The following SLCO1A2 variants were observed in gnomAD, a reference collection of about 807,000 sequenced individuals.
SLCO1A2 encodes the protein OATP-1.
Under a neutral mutation model 69.0 loss-of-function variants are expected in SLCO1A2, and 67 were observed. That is an observed-to-expected ratio of 0.97 (90% CI 0.80 to 1.19). SLCO1A2 has a LOEUF of 1.19. Among genes scored for constraint, SLCO1A2 ranks in the 50% most tolerant of loss-of-function variants. The probability of loss-of-function intolerance (pLI) is 0.00; values close to 1 mark genes in which losing one functional copy is unlikely to be tolerated. For missense variants in SLCO1A2, 787 were observed against 793.7 expected, an observed-to-expected ratio of 0.99 and a Z score of 0.10; for synonymous variants, 260 against 265.9, an observed-to-expected ratio of 0.98 and a Z score of 0.22.
chr12:21,406,530 G>C lies in SLCO1A2; in HGVS notation c.-312+11352C>G, dbSNP rs555110441. Among the ~76,000 whole-genome samples, 31 of 152,212 alleles carry C rather than the reference G, an allele frequency of 2.0e-4. No homozygotes were observed. In the East Asian group the frequency reaches 3.7e-3, roughly 18 times the overall value. On this transcript the variant is annotated intron_variant, in intron 1 of 4. Transcript: ENST00000413682. ...GCGGCAGGATTGTTTTCTATTCTCT[G>C]GTAAAAATTAGAGTTAACAGTTGTT...
chr12:21,353,568 A>G (rs2137020017), intron 2 of SLCO1A2, among the ~76,000 whole-genome samples: 1 of 152,264 alleles, frequency 6.6e-6, no homozygotes, highest in Admixed American at 6.5e-5. Context: ...GCACCTGATT[A>G]TATCCCGTTT....
intron 2 of SLCO1A2, among the ~76,000 whole-genome samples, chr12:21,340,856 A>C (rs901869744): frequency 1.3e-5 from 2 of 151,992 alleles, no homozygotes; most frequent in Non-Finnish European, 2.9e-5. Flanking sequence ...GAGGCAGCTA[A>C]AGGGCTAGCA....
At chr12:21,343,540 G>A (rs940066512) in intron 2 of SLCO1A2, among the ~76,000 whole-genome samples, 46 of 152,024 alleles carry the variant, frequency 3.0e-4, no homozygotes, top group African/African-American at 1.1e-3. Context: ...TTCTTAGTAG[G>A]TAGTTGTCTT....
At chr12:21,289,753 TA>T (rs35667496) in intron 12 of SLCO1A2, among the ~76,000 whole-genome samples, 17,201 of 143,020 alleles carry the variant, frequency 0.12, 1,033 homozygotes, top group Non-Finnish European at 0.14. Context: ...AAGCCCAGGG[TA>T]AAAAAAAAAA....
chr12:21,309,086 A>C (rs1200828908), intron 4 of SLCO1A2, among the ~76,000 whole-genome samples: 2 of 152,206 alleles, frequency 1.3e-5, no homozygotes, highest in Non-Finnish European at 1.5e-5. Context: ...TTGAAAATTA[A>C]AAATGTGGTA....
chr12:21,347,164 C>CT (rs2136999249), intron 2 of SLCO1A2, among the ~76,000 whole-genome samples: 1 of 152,238 alleles, frequency 6.6e-6, no homozygotes, highest in Admixed American at 6.5e-5. Context: ...TAAATTTCTA[C>CT]TTCCTTCCAT....
intron 12 of SLCO1A2, among the ~76,000 whole-genome samples, chr12:21,287,605 C>T (rs1162495437): frequency 7.2e-6 from 1 of 139,800 alleles, no homozygotes; most frequent in Admixed American, 7.0e-5. Flanking sequence ...AGACTTGGAA[C>T]CAACCCAAAT....
intron 3 of SLCO1A2, among the ~76,000 whole-genome samples, chr12:21,316,552 CT>C (rs10679944): frequency 0.011 from 1,591 of 144,962 alleles, 14 homozygotes; most frequent in African/African-American, 0.02. Context: ...ACTGCTGATA[CT>C]TTTTTTTTTT....
At chr12:21,324,906 G>A (rs1304628453) in intron 2 of SLCO1A2, among the ~76,000 whole-genome samples, 1 of 152,186 alleles carries the variant, frequency 6.6e-6, no homozygotes, top group Non-Finnish European at 1.5e-5. Context: ...TCCTCAGGTA[G>A]CAAGATCCTA....
intron 2 of SLCO1A2, among the ~76,000 whole-genome samples, chr12:21,365,975 G>T (rs533693359): frequency 1.3e-5 from 2 of 152,218 alleles, no homozygotes; most frequent in Non-Finnish European, 2.9e-5. Flanking sequence ...TTCAACCATT[G>T]TGGAAGACAG....
upstream of SLCO1A2, among the ~76,000 whole-genome samples, chr12:21,397,763 C>T (rs1941528531): frequency 7.4e-6 from 1 of 134,322 alleles, no homozygotes; most frequent in Non-Finnish European, 1.6e-5. Flanking sequence ...CAACCTGCTC[C>T]TGAATGACTA....
upstream of SLCO1A2, among the ~76,000 whole-genome samples, chr12:21,337,515 A>T (rs1315261377): frequency 1.3e-5 from 2 of 151,148 alleles, no homozygotes; most frequent in Non-Finnish European, 3.0e-5. Context: ...GACTTAGGAG[A>T]TCATCCTTTC....
intron 1 of SLCO1A2, among the ~76,000 whole-genome samples, chr12:21,394,096 T>C (rs1941297842): frequency 6.6e-6 from 1 of 152,208 alleles, no homozygotes; most frequent in African/African-American, 2.4e-5. Context: ...CTAGGGTTTC[T>C]GTAAGTGAAA....
At chr12:21,282,864 C>G (rs768787911) in intron 12 of SLCO1A2, among the ~76,000 whole-genome samples, 41 of 151,208 alleles carry the variant, frequency 2.7e-4, no homozygotes, top group Non-Finnish European at 5.5e-4. Flanking sequence ...TAAGAATTAC[C>G]CTAAAGAAGT....
chr12:21,322,281 CTCAA>C (rs10569114), intron 2 of SLCO1A2, among the ~76,000 whole-genome samples: 18,294 of 152,034 alleles, frequency 0.12, 1,922 homozygotes, highest in East Asian at 0.35. Flanking sequence ...TGAGACAGTT[CTCAA>C]TCAATTTAGA....
intron 2 of SLCO1A2, among the ~76,000 whole-genome samples, chr12:21,365,644 C>T (rs1373964634): frequency 6.6e-6 from 1 of 152,046 alleles, no homozygotes; most frequent in East Asian, 1.9e-4. Context: ...TTACAATCTA[C>T]CCATCTGACA....
chr12:21,370,880 TGGGGCTTAGCCCTC>T (rs1565519981), intron 2 of SLCO1A2, among the ~76,000 whole-genome samples: 1 of 152,176 alleles, frequency 6.6e-6, no homozygotes, highest in Non-Finnish European at 1.5e-5. Context: ...AGACCCAAAC[TGGGGCTTAGCCCTC>T]AAGGGTTCTT....
chr12:21,407,594 A>G (rs898062278), intron 1 of SLCO1A2, among the ~76,000 whole-genome samples: 1 of 152,142 alleles, frequency 6.6e-6, no homozygotes, highest in African/African-American at 2.4e-5. Flanking sequence ...TGAGCTCAGG[A>G]GTTCAAGACT....
intron 2 of SLCO1A2, chr12:21,355,130 A>G (rs1382884014): frequency 6.6e-6 from 1 of 152,186 alleles, no homozygotes; most frequent in Non-Finnish European, 1.5e-5. Context: ...TGATCCATGT[A>G]TATTATTTTA....
Sources: allele counts gnomAD v4.1 joint callset (sites outside exome capture counted in the v4.1 genomes callset), GRCh38; gene constraint gnomAD v4.1.1; transcripts MANE v1.5; gene names NCBI Gene and HGNC (gene_info 2026-07-23, HGNC 2026-07-21).